PRKCB: variants seen among roughly 807,000 people sequenced by gnomAD.
PRKCB encodes protein kinase C beta type.
PRKCB carries 13 observed loss-of-function variants against 81.5 expected under a neutral mutation model. That is an observed-to-expected ratio of 0.16 (90% CI 0.10 to 0.25). The LOEUF (loss-of-function observed/expected upper bound fraction) is 0.25. PRKCB is among the 10% of genes least tolerant of loss of function. The pLI is 1.00. For synonymous variants in PRKCB, 335 were observed against 321.4 expected (o/e 1.04, Z -0.45); for missense variants, 509 against 875.7 (o/e 0.58, Z 5.29).
intron 9 of PRKCB, among the ~76,000 whole-genome samples, chr16:24,136,272 A>G (rs60971505): frequency 0.038 from 5,756 of 152,216 alleles, 366 homozygotes; most frequent in African/African-American, 0.13. Flanking sequence ...CATTTTTCTC[A>G]AGAAAATAAA....
chr16:24,214,330 G>T (rs1968190490), intron 16 of PRKCB, among the ~76,000 whole-genome samples: 1 of 152,060 alleles, frequency 6.6e-6, no homozygotes, highest in Non-Finnish European at 1.5e-5. Flanking sequence ...ACTTCTCGGG[G>T]TGGGTTGGGG....
Position 23,836,198 on chromosome 16 carries a change from C to T in PRKCB, c.23C>T (p.Pro8Leu). 6.4e-7 allele frequency: 1 copy of T among 1,570,252 alleles called. No individual in the cohort carries two copies. MADPAAG[P>L]PPSEGEESTV... ...AAGATGGCTGACCCGGCTGCGGGGC[C>T]GCCGCCGAGCGAGGGCGAGGAGAGC... Residue 8 changes from proline (P) to leucine (L), a missense_variant, in exon 1 of 17, where the codon CCG becomes CTG. By Grantham distance (98) the Pro-to-Leu change is moderately conservative. Around this residue, in one of 6 missense-constraint regions of PRKCB, gnomAD observed 33 missense variants for 21.9 expected, o/e 1.50. Coordinates refer to ENST00000643927, the MANE Select transcript of PRKCB (RefSeq NM_002738.7).
intron 2 of PRKCB, among the ~76,000 whole-genome samples, chr16:23,950,364 C>T (rs1964265018): frequency 6.6e-6 from 1 of 152,156 alleles, no homozygotes; most frequent in African/African-American, 2.4e-5. Context: ...GGACATAAAT[C>T]TCCTTCTAGT....
At chr16:23,981,686 TCCCTTC>T (rs1964708929) in intron 2 of PRKCB, among the ~76,000 whole-genome samples, 7 of 82,896 alleles carry the variant, frequency 8.4e-5, no homozygotes, top group Admixed American at 2.5e-4. Context: ...CCCTTCCCCT[TCCCTTC>T]CCCTTCCCTT....
At chr16:23,988,379 T>C in intron 2 of PRKCB, 129 bp from the exon 3 acceptor site, 1 of 680,562 alleles carries the variant, frequency 1.5e-6, no homozygotes. Context: ...GACATTATTG[T>C]TTATTTTGGC....
chr16:23,841,360 A>G (rs1256161690), intron 2 of PRKCB, among the ~76,000 whole-genome samples: 2 of 152,152 alleles, frequency 1.3e-5, no homozygotes, highest in Non-Finnish European at 2.9e-5. Flanking sequence ...GATTACAGGC[A>G]TGAGCTACAG....
chr16:24,027,210 G>A (rs989221714), intron 3 of PRKCB, among the ~76,000 whole-genome samples: 5 of 151,822 alleles, frequency 3.3e-5, no homozygotes, highest in Non-Finnish European at 5.9e-5. Flanking sequence ...TGTTCTCATC[G>A]TTCAACTCCC....
At chr16:23,965,393 G>A (rs184507692) in intron 2 of PRKCB, among the ~76,000 whole-genome samples, 24 of 152,222 alleles carry the variant, frequency 1.6e-4, no homozygotes, top group Non-Finnish European at 2.2e-4. Context: ...CCCATGCACC[G>A]TGGATGGGCA....
intron 12 of PRKCB, among the ~76,000 whole-genome samples, chr16:24,175,989 A>T (rs2141968833): frequency 1.3e-5 from 2 of 151,616 alleles, no homozygotes; most frequent in South Asian, 4.2e-4. Flanking sequence ...AAAAAAAAAA[A>T]AAAAGGCATG....
chr16:23,967,851 C>T (rs537907726), intron 2 of PRKCB, among the ~76,000 whole-genome samples: 27 of 152,288 alleles, frequency 1.8e-4, no homozygotes, highest in African/African-American at 6.3e-4. Flanking sequence ...CAGGGTTTTG[C>T]CTTGTTGGCC....
At chr16:24,032,334 C>T in intron 4 of PRKCB, 87 bp downstream of exon 4, 1 of 858,282 alleles carries the variant, frequency 1.2e-6, no homozygotes, top group Non-Finnish European at 1.9e-6. Context: ...TCCAGGTCTG[C>T]CATACATTCC....
chr16:24,207,119 A>G (rs1014562144), intron 16 of PRKCB, among the ~76,000 whole-genome samples: 1 of 152,200 alleles, frequency 6.6e-6, no homozygotes, highest in Non-Finnish European at 1.5e-5. Context: ...TTGTAGAGAC[A>G]GGGTCTTGCT....
intron 7 of PRKCB, among the ~76,000 whole-genome samples, chr16:24,105,357 CT>C (rs1351467308): frequency 6.6e-6 from 1 of 151,802 alleles, no homozygotes; most frequent in Non-Finnish European, 1.5e-5. Flanking sequence ...CAAGCCTGGC[CT>C]TTTTTTCTTT....
At chr16:24,063,531 G>C (rs1268661891) in intron 5 of PRKCB, among the ~76,000 whole-genome samples, 1 of 152,140 alleles carries the variant, frequency 6.6e-6, no homozygotes, top group East Asian at 1.9e-4. Flanking sequence ...CTGACCTCAT[G>C]TGATCCGCCC....
At chr16:24,140,419 G>T (rs1966887485) in intron 9 of PRKCB, among the ~76,000 whole-genome samples, 1 of 152,108 alleles carries the variant, frequency 6.6e-6, no homozygotes, top group Non-Finnish European at 1.5e-5. Flanking sequence ...TTTCTCAAGA[G>T]GGGAATTATA....
At chr16:24,129,160 C>G (rs1404083517) in intron 9 of PRKCB, among the ~76,000 whole-genome samples, 1 of 152,138 alleles carries the variant, frequency 6.6e-6, no homozygotes, top group African/African-American at 2.4e-5. Context: ...TTCATATGTG[C>G]TCATGGTAAT....
At chr16:24,125,569 A>G (rs1415991802) in intron 9 of PRKCB, among the ~76,000 whole-genome samples, 1 of 152,152 alleles carries the variant, frequency 6.6e-6, no homozygotes, top group Non-Finnish European at 1.5e-5. Context: ...TTCACTGTCC[A>G]TTATGTTTAA....
intron 2 of PRKCB, among the ~76,000 whole-genome samples, chr16:23,852,553 A>C (rs1465167382): frequency 6.6e-6 from 1 of 152,172 alleles, no homozygotes; most frequent in Non-Finnish European, 1.5e-5. Context: ...ATCTATGTTC[A>C]TCAGGGATAT....
intron 8 of PRKCB, among the ~76,000 whole-genome samples, chr16:24,122,094 A>C (rs1160851494): frequency 6.6e-6 from 1 of 152,228 alleles, no homozygotes; most frequent in Non-Finnish European, 1.5e-5. Context: ...TTTAGAGAAA[A>C]TCAAGTAAGT....
Sources: gnomAD v4.1 joint callset for allele counts (sites outside exome capture counted in the v4.1 genomes callset) on GRCh38, gnomAD v4.1.1 for gene constraint, gnomAD v4.1.1 regional missense constraint, MANE v1.5 for transcripts, NCBI Gene and HGNC (gene_info 2026-07-23, HGNC 2026-07-21) for gene names.